CNTN5: variants seen among roughly 807,000 people sequenced by gnomAD.
The protein encoded by CNTN5 is contactin-5.
In CNTN5, 77 loss-of-function variants were observed where a neutral mutation model predicts 129.1. The ratio of observed to expected loss-of-function variants is 0.60; its 90% confidence interval spans 0.50 to 0.72. The LOEUF is 0.72. Ranked by LOEUF, CNTN5 falls within the 30% of genes least tolerant of loss-of-function variation. CNTN5 has a pLI of 0.00. For missense variants in CNTN5, 1,478 were observed against 1,328.8 expected (o/e 1.11, Z -1.75); for synonymous variants, 509 against 465.6 (o/e 1.09, Z -1.20).
chr11:100,231,767 T>C (rs775285462), intron 16 of CNTN5, among the ~76,000 whole-genome samples: 1 of 152,218 alleles, frequency 6.6e-6, no homozygotes, highest in Admixed American at 6.5e-5. Context: ...AAGCAAATAG[T>C]TGTGTAGCTG....
At chr11:99,252,511 A>G (rs949861397) in intron 1 of CNTN5, among the ~76,000 whole-genome samples, 60 of 151,982 alleles carry the variant, frequency 3.9e-4, no homozygotes, top group African/African-American at 1.4e-3. Flanking sequence ...AAAGAAAAAA[A>G]CATCTAATGT....
At chr11:99,371,266 T>C (rs996836282) in intron 2 of CNTN5, among the ~76,000 whole-genome samples, 1 of 151,960 alleles carries the variant, frequency 6.6e-6, no homozygotes, top group African/African-American at 2.4e-5. Context: ...ATGTAAAAAT[T>C]TTAAAGATTA....
intron 1 of CNTN5, among the ~76,000 whole-genome samples, chr11:99,023,096 G>T (rs1241532351): frequency 6.6e-6 from 1 of 152,180 alleles, no homozygotes; most frequent in African/African-American, 2.4e-5. Flanking sequence ...TAAATGAATA[G>T]CTGAAATACC....
chr11:99,449,049 T>C (rs1035059942), intron 2 of CNTN5, among the ~76,000 whole-genome samples: 14 of 152,104 alleles, frequency 9.2e-5, no homozygotes, highest in African/African-American at 3.4e-4. Context: ...TCCAAAGTGC[T>C]GTGTTTACAG....
At chr11:99,050,019 A>G (rs1321810440) in intron 1 of CNTN5, among the ~76,000 whole-genome samples, 1 of 152,112 alleles carries the variant, frequency 6.6e-6, no homozygotes, top group Non-Finnish European at 1.5e-5. Context: ...TATGCAATGA[A>G]TTAGTTTCTA....
chr11:99,066,228 T>A lies in CNTN5; in HGVS notation c.-210+44958T>A, dbSNP rs545795509. Among the ~76,000 whole-genome samples, 21 of 152,168 alleles carry A rather than the reference T, an allele frequency of 1.4e-4. No individual in the cohort carries two copies. In the East Asian group the frequency reaches 3.3e-3, roughly 24 times the overall value. On this transcript the variant is annotated intron_variant, in intron 1 of 24. Coordinates refer to ENST00000524871, the MANE Select transcript of CNTN5 (RefSeq NM_014361.4). The stretch of plus-strand genomic sequence containing the variant: ...ATGCGATTCTCCTGCCTCAGCCTCC[T>A]GAGTAGCTGGGACTACAGGTGTGTG...
At chr11:99,396,168 C>G (rs1279170795) in intron 2 of CNTN5, among the ~76,000 whole-genome samples, 4 of 98,900 alleles carry the variant, frequency 4.0e-5, no homozygotes, top group African/African-American at 1.6e-4. Flanking sequence ...CTCTTTCTAT[C>G]CATGATCATG....
rs1372104823 is a variant in CNTN5 at position 99,171,371 on chromosome 11, A to G, written c.-210+150101A>G. Among the ~76,000 whole-genome samples, 4 of 152,156 alleles carry G rather than the reference A, an allele frequency of 2.6e-5. No individual in the cohort carries two copies. In the East Asian group the frequency reaches 7.7e-4, roughly 29 times the overall value. ...TTAACTGCCTAATTTTGCTTCGCAG[A>G]TTGCTTATATTCTTCTAAATCTTTT... On this transcript the variant is annotated intron_variant, in intron 1 of 24. Coordinates refer to ENST00000524871, the MANE Select transcript of CNTN5 (RefSeq NM_014361.4).
At chr11:100,064,093 T>C (rs1943598571) in intron 10 of CNTN5, among the ~76,000 whole-genome samples, 1 of 152,184 alleles carries the variant, frequency 6.6e-6, no homozygotes, top group Non-Finnish European at 1.5e-5. Flanking sequence ...ATATTTAGAA[T>C]ATTCTCTCAA....
At chr11:99,246,821 C>A (rs1308641925) in intron 1 of CNTN5, among the ~76,000 whole-genome samples, 1 of 152,060 alleles carries the variant, frequency 6.6e-6, no homozygotes, top group African/African-American at 2.4e-5. Flanking sequence ...AAGCAAGAAT[C>A]ATTACTAATC....
At chr11:99,634,529 A>G (rs1387653191) in intron 3 of CNTN5, among the ~76,000 whole-genome samples, 1 of 152,192 alleles carries the variant, frequency 6.6e-6, no homozygotes, top group Non-Finnish European at 1.5e-5. Context: ...ATTTACTTGT[A>G]TTTTAATCTT....
chr11:100,124,272 T>A (rs891521410), intron 13 of CNTN5, among the ~76,000 whole-genome samples: 6 of 152,072 alleles, frequency 3.9e-5, no homozygotes, highest in Non-Finnish European at 8.8e-5. Flanking sequence ...GAAAACTGGA[T>A]ATTAGAAATT....
chr11:99,128,338 G>C (rs61893379), intron 1 of CNTN5, among the ~76,000 whole-genome samples: 26,503 of 152,092 alleles, frequency 0.17, 2,765 homozygotes, highest in East Asian at 0.41. Flanking sequence ...GGACTGGGTG[G>C]TACTCCCCAC....
rs557953779 is a variant in CNTN5, at chr11:99,131,900, T to C, written c.-210+110630T>C. On this transcript the variant is annotated intron_variant, in intron 1 of 24. Transcript: ENST00000524871. Reference sequence around the variant, plus strand: ...AGAGACTACTCCCTAACTCATTTTATGAGGCCAGCATCATCTTGACATCAA... The same window carrying C: ...AGAGACTACTCCCTAACTCATTTTACGAGGCCAGCATCATCTTGACATCAA... Among the ~76,000 whole-genome samples, 3 of 152,342 alleles carry C rather than the reference T, an allele frequency of 2.0e-5. No homozygotes were observed. In the East Asian group the frequency reaches 5.8e-4, roughly 29 times the overall value.
intron 1 of CNTN5, among the ~76,000 whole-genome samples, chr11:99,096,704 A>T (rs974214225): frequency 6.6e-6 from 1 of 151,730 alleles, no homozygotes. Flanking sequence ...CTATTATTAG[A>T]CTTTCTTTTG....
intron 18 of CNTN5, among the ~76,000 whole-genome samples, chr11:100,273,333 G>A (rs1033166636): frequency 7.2e-5 from 11 of 152,112 alleles, no homozygotes; most frequent in Non-Finnish European, 1.2e-4. Context: ...TTTGCTGGGC[G>A]TGTCTGCTTA....
chr11:99,789,714 A>C (rs572328954), intron 3 of CNTN5, among the ~76,000 whole-genome samples: 1 of 152,038 alleles, frequency 6.6e-6, no homozygotes, highest in Non-Finnish European at 1.5e-5. Context: ...TCTTCCACCC[A>C]TGAAGTTATC....
intron 1 of CNTN5, among the ~76,000 whole-genome samples, chr11:99,051,990 T>G (rs1864444074): frequency 6.6e-6 from 1 of 151,762 alleles, no homozygotes; most frequent in African/African-American, 2.4e-5. Flanking sequence ...TGTTGAAGAT[T>G]AAAGAAAGTG....
At chr11:99,267,465 G>GT (rs2135844599) in intron 1 of CNTN5, among the ~76,000 whole-genome samples, 1 of 152,042 alleles carries the variant, frequency 6.6e-6, no homozygotes, top group Admixed American at 6.6e-5. Flanking sequence ...ATTCAAAAAT[G>GT]TAACACTTAT....
Sources: allele counts gnomAD v4.1 joint callset (sites outside exome capture counted in the v4.1 genomes callset), GRCh38; gene constraint gnomAD v4.1.1; transcripts MANE v1.5; gene names NCBI Gene and HGNC (gene_info 2026-07-23, HGNC 2026-07-21).